Variants in TENM3 observed in about 807,000 individuals in gnomAD.
TENM3 encodes the protein teneurin-3.
A neutral mutation model predicts 255.1 loss-of-function variants in TENM3; 63 were observed. That is an observed-to-expected ratio of 0.25 (90% CI 0.20 to 0.30). The LOEUF (loss-of-function observed/expected upper bound fraction) is 0.30. Among genes scored for constraint, TENM3 ranks in the 10% least tolerant of loss-of-function variants. The pLI is 1.00. For synonymous variants in TENM3, 1,306 were observed against 1,322.3 expected, an observed-to-expected ratio of 0.99 and a Z score of 0.27; for missense variants, 2,929 against 3,461.1, an observed-to-expected ratio of 0.85 and a Z score of 3.86.
the TENM3 span, among the ~76,000 whole-genome samples, chr4:181,489,305 G>A: frequency 6.6e-6 from 1 of 152,136 alleles, no homozygotes; most frequent in African/African-American, 2.4e-5. Context: ...CTATCAGAAA[G>A]CCCTAGAATA....
the TENM3 span, among the ~76,000 whole-genome samples, chr4:181,799,363 C>A: frequency 6.6e-6 from 1 of 152,296 alleles, no homozygotes; most frequent in East Asian, 1.9e-4. Flanking sequence ...CAAATGCATT[C>A]AGGAAACAGC....
At chr4:182,785,236 CTAA>C (rs1031577112) in intron 24 of TENM3, among the ~76,000 whole-genome samples, 1 of 151,776 alleles carries the variant, frequency 6.6e-6, no homozygotes, top group African/African-American at 2.4e-5. Flanking sequence ...CCACACCTGG[CTAA>C]TTTTTGTATT....
the TENM3 span, among the ~76,000 whole-genome samples, chr4:181,465,428 G>A: frequency 2.0e-5 from 3 of 152,154 alleles, no homozygotes; most frequent in African/African-American, 7.2e-5. Flanking sequence ...GAAACAAAGA[G>A]TGCTTTTACT....
chr4:181,777,812 C>A, the TENM3 span, among the ~76,000 whole-genome samples: 1 of 152,110 alleles, frequency 6.6e-6, no homozygotes, highest in African/African-American at 2.4e-5. Flanking sequence ...AAATTCACGA[C>A]AGTTGCCCCA....
At chr4:181,466,004 G>A in the TENM3 span, among the ~76,000 whole-genome samples, 1 of 152,090 alleles carries the variant, frequency 6.6e-6, no homozygotes, top group South Asian at 2.1e-4. Flanking sequence ...TGCATCAGAA[G>A]CCGCCTACAT....
At chr4:182,000,472 G>A in the TENM3 span, among the ~76,000 whole-genome samples, 1 of 152,066 alleles carries the variant, frequency 6.6e-6, no homozygotes, top group Non-Finnish European at 1.5e-5. Context: ...TCGCCTAGAT[G>A]TGACTGCGTC....
At chr4:182,691,730 T>G (rs1757022000) in intron 12 of TENM3, among the ~76,000 whole-genome samples, 1 of 152,180 alleles carries the variant, frequency 6.6e-6, no homozygotes, top group Non-Finnish European at 1.5e-5. Context: ...GAAATCTACT[T>G]TTAGCAATAT....
At chr4:182,522,074 G>A (rs1239688990) in intron 3 of TENM3, among the ~76,000 whole-genome samples, 4 of 152,168 alleles carry the variant, frequency 2.6e-5, no homozygotes, top group Non-Finnish European at 4.4e-5. Context: ...AGAGCTGTAC[G>A]TGTTTTTAAG....
the TENM3 span, among the ~76,000 whole-genome samples, chr4:181,490,779 G>A: frequency 3.9e-5 from 6 of 152,074 alleles, no homozygotes; most frequent in East Asian, 3.9e-4. Context: ...TTTTTAAAAT[G>A]AGAATCTATA....
chr4:182,364,798 T>G (rs1323617098), intron 3 of TENM3, among the ~76,000 whole-genome samples: 1 of 152,234 alleles, frequency 6.6e-6, no homozygotes, highest in Non-Finnish European at 1.5e-5. Context: ...TGCCATGATT[T>G]ATCATAATTT....
the TENM3 span, among the ~76,000 whole-genome samples, chr4:181,752,219 C>T: frequency 1.3e-5 from 2 of 152,122 alleles, no homozygotes; most frequent in Admixed American, 1.3e-4. Flanking sequence ...ACAAGGTCAC[C>T]CATAACGTAA....
At chr4:182,016,929 G>A in the TENM3 span, among the ~76,000 whole-genome samples, 1 of 152,138 alleles carries the variant, frequency 6.6e-6, no homozygotes, top group Non-Finnish European at 1.5e-5. Flanking sequence ...GTAAAAAAGA[G>A]CACATAATTT....
intron 3 of TENM3, among the ~76,000 whole-genome samples, chr4:182,569,837 T>C (rs939431209): frequency 2.6e-5 from 4 of 151,862 alleles, no homozygotes; most frequent in Non-Finnish European, 4.4e-5. Context: ...AGCCAGACAA[T>C]TGGAGTCTAG....
chr4:182,281,982 C>T (rs1241150356), intron 1 of TENM3, among the ~76,000 whole-genome samples: 1 of 152,092 alleles, frequency 6.6e-6, no homozygotes, highest in African/African-American at 2.4e-5. Flanking sequence ...GTAATCTGCC[C>T]GCCTCGGCCT....
chr4:181,568,466 A>T, the TENM3 span, among the ~76,000 whole-genome samples: 1 of 152,098 alleles, frequency 6.6e-6, no homozygotes, highest in Non-Finnish European at 1.5e-5. Flanking sequence ...CTGGGATTAC[A>T]GGCGTGAGCC....
the TENM3 span, among the ~76,000 whole-genome samples, chr4:181,859,972 C>T: frequency 1.7e-3 from 257 of 152,186 alleles, no homozygotes; most frequent in African/African-American, 5.6e-3. Flanking sequence ...GAGTTCTGGC[C>T]AAAATAAAGA....
the TENM3 span, among the ~76,000 whole-genome samples, chr4:181,831,435 T>G: frequency 6.6e-6 from 1 of 151,516 alleles, no homozygotes; most frequent in Non-Finnish European, 1.5e-5. Flanking sequence ...TTTAATATTG[T>G]TGCTATCAGA....
chr4:182,597,042 T>C (rs2152402464), intron 3 of TENM3, among the ~76,000 whole-genome samples: 1 of 152,328 alleles, frequency 6.6e-6, no homozygotes, highest in East Asian at 1.9e-4. Flanking sequence ...CCTGTCCTTT[T>C]TCCTTGTGTC....
At chr4:182,202,835 A>T (rs977402423) in intron 1 of TENM3, among the ~76,000 whole-genome samples, 3 of 152,142 alleles carry the variant, frequency 2.0e-5, no homozygotes, top group Non-Finnish European at 4.4e-5. Context: ...GCAGGGCAAC[A>T]TTGTGAAAGA....
Sources: allele counts gnomAD v4.1 joint callset (sites outside exome capture counted in the v4.1 genomes callset), GRCh38; gene constraint gnomAD v4.1.1; transcripts MANE v1.5; gene names NCBI Gene and HGNC (gene_info 2026-07-23, HGNC 2026-07-21).